OCA2: variants seen among roughly 807,000 people sequenced by gnomAD.
OCA2 encodes P protein.
OCA2 carries 77 observed loss-of-function variants against 100.2 expected under a neutral mutation model. The observed-to-expected ratio is 0.77, with a 90% CI of 0.64 to 0.93. The LOEUF is 0.93. Among genes scored for constraint, OCA2 ranks in the 40% least tolerant of loss-of-function variants. OCA2 has a pLI of 0.00. For missense variants in OCA2, 1,062 were observed against 1,089.1 expected, an observed-to-expected ratio of 0.98 and a Z score of 0.35; for synonymous variants, 432 against 439.2, an observed-to-expected ratio of 0.98 and a Z score of 0.21.
At chr15:27,862,742 T>G (rs2036183514) in intron 21 of OCA2, among the ~76,000 whole-genome samples, 2 of 152,102 alleles carry the variant, frequency 1.3e-5, no homozygotes, top group African/African-American at 2.4e-5. Context: ...CCCAAAGTGC[T>G]AGGATTCCAG....
At chr15:28,060,458 G>T (rs184078637) in intron 2 of OCA2, among the ~76,000 whole-genome samples, 1 of 152,354 alleles carries the variant, frequency 6.6e-6, no homozygotes, top group African/African-American at 2.4e-5. Context: ...GGATAGAAAA[G>T]CACTTCCACT....
intron 21 of OCA2, among the ~76,000 whole-genome samples, chr15:27,867,143 T>C (rs2036357814): frequency 6.6e-6 from 1 of 152,196 alleles, no homozygotes; most frequent in Non-Finnish European, 1.5e-5. Context: ...CTAACTAAAA[T>C]AGGTTCTGTT....
At chr15:27,818,524 T>C (rs1437512016) in intron 23 of OCA2, among the ~76,000 whole-genome samples, 1 of 152,104 alleles carries the variant, frequency 6.6e-6, no homozygotes, top group Non-Finnish European at 1.5e-5. Flanking sequence ...TGTCATGCCA[T>C]AGAAATTAAC....
intron 19 of OCA2, among the ~76,000 whole-genome samples, chr15:27,883,494 G>A (rs2037104132): frequency 6.6e-6 from 1 of 152,118 alleles, no homozygotes; most frequent in South Asian, 2.1e-4. Flanking sequence ...AATTAAGTCG[G>A]CTACTGTTCC....
In OCA2 at chr15:28,027,892, C is replaced by G. The variant is rs371349719; in HGVS notation, c.494G>C (p.Arg165Pro). 8.1e-6 allele frequency: 13 copies of G among 1,613,362 alleles called. No individual in the cohort carries two copies. Among genetic ancestry groups the G allele is most frequent in the South Asian group, 1.1e-5 (1 of 91,038 alleles). ...KGDLLDSPHI[R>P]LRLSKLRRCV... ...CTACCTCAGCTTGGAAAGACGGAGT[C>G]GGATGTGCGGGCTGTCCAGAAGGTC... Residue 165 changes from arginine (R) to proline (P), a missense_variant, in exon 4 of 24, where the codon CGA becomes CCA. Coordinates refer to ENST00000354638, the MANE Select transcript of OCA2 (RefSeq NM_000275.3).
At chr15:27,719,898 T>C in the OCA2 span, among the ~76,000 whole-genome samples, 69 of 152,086 alleles carry the variant, frequency 4.5e-4, no homozygotes, top group Non-Finnish European at 8.8e-4. Flanking sequence ...ATGTCTCTCT[T>C]TCTCCTCCTA....
chr15:28,014,346 G>A (rs2042322116), intron 9 of OCA2, among the ~76,000 whole-genome samples: 1 of 152,124 alleles, frequency 6.6e-6, no homozygotes, highest in African/African-American at 2.4e-5. Context: ...ATCCCTCCGG[G>A]CACACAGCCC....
the OCA2 span, among the ~76,000 whole-genome samples, chr15:27,722,622 TCCC>T: frequency 8.8e-6 from 1 of 113,242 alleles, no homozygotes; most frequent in African/African-American, 3.2e-5. Flanking sequence ...CCTTCCTTCC[TCCC>T]TTCCTTCCTT....
chr15:27,776,123 A>G (rs1219626864), intron 23 of OCA2, among the ~76,000 whole-genome samples: 5 of 152,074 alleles, frequency 3.3e-5, no homozygotes, highest in African/African-American at 1.2e-4. Context: ...GAAATCCTAG[A>G]ATTTCTGTTG....
chr15:27,843,344 C>T lies in OCA2; in HGVS notation c.2432+1615G>A, dbSNP rs1052847274. 2.6e-5 allele frequency among the ~76,000 whole-genome samples: 4 copies of T among 152,142 alleles called. No homozygotes were observed. In the South Asian group the frequency reaches 6.2e-4, roughly 24 times the overall value. ...CACTCAGCACACTTGTCTCTGATCC[C>T]CTCTCTTGGCTGTGCTCTGGGTCTG... On this transcript the variant is annotated intron_variant, in intron 23 of 23. Coordinates refer to ENST00000354638, the MANE Select transcript of OCA2 (RefSeq NM_000275.3).
At chr15:27,890,423 T>G (rs918023405) in intron 19 of OCA2, among the ~76,000 whole-genome samples, 1 of 152,126 alleles carries the variant, frequency 6.6e-6, no homozygotes, top group East Asian at 1.9e-4. Flanking sequence ...TCATCAACTT[T>G]CAAAGACTAA....
intron 1 of OCA2, among the ~76,000 whole-genome samples, chr15:28,086,946 C>T (rs541217016): frequency 2.6e-5 from 4 of 152,092 alleles, no homozygotes; most frequent in Non-Finnish European, 5.9e-5. Context: ...GGGACCATAA[C>T]AAAAGACCTA....
intron 9 of OCA2, among the ~76,000 whole-genome samples, chr15:28,003,376 G>A (rs910921143): frequency 3.3e-5 from 5 of 152,224 alleles, no homozygotes; most frequent in Non-Finnish European, 7.3e-5. Context: ...AATTGAACAG[G>A]TGCCGTCCCT....
intron 19 of OCA2, among the ~76,000 whole-genome samples, chr15:27,902,088 C>T (rs2037960766): frequency 1.3e-5 from 2 of 152,200 alleles, no homozygotes; most frequent in African/African-American, 2.4e-5. Context: ...ATGGAAATTC[C>T]ATCATCATGC....
intron 1 of OCA2, among the ~76,000 whole-genome samples, chr15:28,088,179 G>C (rs923305811): frequency 6.6e-6 from 1 of 152,166 alleles, no homozygotes; most frequent in Non-Finnish European, 1.5e-5. Flanking sequence ...ACTGTTGATA[G>C]CATGCTATTG....
chr15:27,831,728 G>A (rs2034966184), intron 23 of OCA2, among the ~76,000 whole-genome samples: 1 of 152,206 alleles, frequency 6.6e-6, no homozygotes, highest in Non-Finnish European at 1.5e-5. Context: ...GGGAGAGGCA[G>A]AGATGAGAGG....
intron 19 of OCA2, among the ~76,000 whole-genome samples, chr15:27,888,469 T>C (rs1013544760): frequency 2.0e-5 from 3 of 152,116 alleles, no homozygotes; most frequent in Non-Finnish European, 2.9e-5. Context: ...ATGCCAACAC[T>C]GAGATATATC....
chr15:27,826,988 C>T lies in OCA2; in HGVS notation c.2432+17971G>A, dbSNP rs142113763. On this transcript the variant is annotated intron_variant, in intron 23 of 23. Transcript: ENST00000354638. ...GCTTCCTGCCCTCCGCATGGTCTCC[C>T]GGCAAGATGCCCTTCCCTTGAGTGG... is the stretch of plus-strand genomic sequence containing the variant. Among the ~76,000 whole-genome samples the T allele has an allele frequency of 3.8e-4, 58 of 152,380 alleles. No individual in the cohort carries two copies. In the East Asian group the frequency reaches 9.8e-3, roughly 26 times the overall value.
chr15:27,724,637 C>A, the OCA2 span, among the ~76,000 whole-genome samples: 7 of 152,120 alleles, frequency 4.6e-5, no homozygotes, highest in Non-Finnish European at 5.9e-5. Flanking sequence ...AGTACCCTCC[C>A]AGCTGCCCTG....
Sources: allele counts gnomAD v4.1 joint callset (sites outside exome capture counted in the v4.1 genomes callset), GRCh38; gene constraint gnomAD v4.1.1; transcripts MANE v1.5; gene names NCBI Gene and HGNC (gene_info 2026-07-23, HGNC 2026-07-21).